The following RTKN2 variants were observed in gnomAD, a reference collection of about 807,000 sequenced individuals.
The protein encoded by RTKN2 is rhotekin-2.
A neutral mutation model predicts 71.5 loss-of-function variants in RTKN2; 69 were observed. That is an observed-to-expected ratio of 0.96 (90% CI 0.79 to 1.18). The LOEUF (loss-of-function observed/expected upper bound fraction) is 1.18. RTKN2 is among the 50% of genes most tolerant of loss of function. The pLI, the probability that RTKN2 is intolerant of heterozygous loss-of-function variation, is 0.00. For missense variants in RTKN2, 724 were observed against 719.7 expected (o/e 1.01, Z -0.07); for synonymous variants, 236 against 236.5 (o/e 1.00, Z 0.02).
At chr10:62,247,853 T>C (rs1385275652) in intron 2 of RTKN2, among the ~76,000 whole-genome samples, 2 of 152,074 alleles carry the variant, frequency 1.3e-5, no homozygotes, top group Non-Finnish European at 2.9e-5. Context: ...ATGCATAATA[T>C]AAATTCTTAA....
At chr10:62,262,528 TG>T (rs1176696080) in intron 2 of RTKN2, 96 bp downstream of exon 2, 1 of 797,796 alleles carries the variant, frequency 1.3e-6, no homozygotes, top group Non-Finnish European at 2.0e-6. Context: ...TAAAACAGTT[TG>T]GTGATTTGAC....
At chr10:62,209,176 G>A (rs1035606693) in intron 9 of RTKN2, among the ~76,000 whole-genome samples, 3 of 152,122 alleles carry the variant, frequency 2.0e-5, no homozygotes, top group Admixed American at 1.3e-4. Flanking sequence ...GCTGAGGCAG[G>A]AGAATCGCTT....
In RTKN2 at chr10:62,268,661, GA is replaced by G; in HGVS notation, c.-52del. 1 of 1,530,070 alleles carries G rather than the reference GA, an allele frequency of 6.5e-7. No homozygotes were observed. The highest frequency in any genetic ancestry group is 8.8e-7 in the Non-Finnish European group (1 of 1,132,064). The allele number at this position is 1,530,070 out of a possible 1,614,324, so 94.8% of individuals were successfully genotyped here. ...CGCCACTCCTTCAAAGGGAAGATTT[GA>G]AAAGCCCGCCCCTGGCAGGAGCCGC... is the stretch of plus-strand genomic sequence containing the variant. On this transcript the variant is annotated 5_prime_UTR_variant, in exon 1 of 12. Coordinates refer to ENST00000373789, the MANE Select transcript of RTKN2 (RefSeq NM_145307.4).
At chr10:62,237,063 CAT>C (rs1185550153) in intron 5 of RTKN2, among the ~76,000 whole-genome samples, 1 of 151,836 alleles carries the variant, frequency 6.6e-6, no homozygotes, top group Non-Finnish European at 1.5e-5. Flanking sequence ...ACTGTAAAAA[CAT>C]GAGGTGAATG....
At chr10:62,227,529 T>C (rs1465569869) in intron 6 of RTKN2, among the ~76,000 whole-genome samples, 2 of 152,040 alleles carry the variant, frequency 1.3e-5, no homozygotes, top group Non-Finnish European at 2.9e-5. Context: ...CAGAGTGATT[T>C]GAGATGTCCA....
chr10:62,254,220 A>G (rs1842633206), intron 2 of RTKN2, among the ~76,000 whole-genome samples: 1 of 152,130 alleles, frequency 6.6e-6, no homozygotes, highest in Non-Finnish European at 1.5e-5. Flanking sequence ...ACCTGGTGGG[A>G]GGTGATTGAA....
At chr10:62,254,226 T>C (rs545024467) in intron 2 of RTKN2, among the ~76,000 whole-genome samples, 3 of 152,274 alleles carry the variant, frequency 2.0e-5, no homozygotes, top group African/African-American at 4.8e-5. Flanking sequence ...TGGGAGGTGA[T>C]TGAATCATGG....
At chr10:62,246,629 GAA>G (rs1842483491) in intron 2 of RTKN2, among the ~76,000 whole-genome samples, 1 of 151,958 alleles carries the variant, frequency 6.6e-6, no homozygotes, top group Non-Finnish European at 1.5e-5. Context: ...ACTAAGATGA[GAA>G]ACAGAGTAGC....
chr10:62,255,042 C>T (rs1277592484), intron 2 of RTKN2, among the ~76,000 whole-genome samples: 1 of 151,926 alleles, frequency 6.6e-6, no homozygotes, highest in African/African-American at 2.4e-5. Context: ...ACTGTAGAAC[C>T]TTAGTGGTAG....
intron 2 of RTKN2, among the ~76,000 whole-genome samples, chr10:62,253,285 A>G (rs1327022840): frequency 6.6e-6 from 1 of 152,224 alleles, no homozygotes; most frequent in African/African-American, 2.4e-5. Flanking sequence ...AAAAGGCTGC[A>G]GCTAACAATG....
chr10:62,230,236 A>G (rs1842120272), intron 6 of RTKN2, among the ~76,000 whole-genome samples: 1 of 152,084 alleles, frequency 6.6e-6, no homozygotes, highest in East Asian at 1.9e-4. Flanking sequence ...CAATGGCTCA[A>G]TCTCAGCTCA....
At chr10:62,221,433 T>C (rs1486370152) in intron 7 of RTKN2, among the ~76,000 whole-genome samples, 2 of 152,176 alleles carry the variant, frequency 1.3e-5, no homozygotes, top group Non-Finnish European at 2.9e-5. Context: ...AATACACAGC[T>C]ATTTGATATT....
At position 62,249,391 on chromosome 10, in the gene RTKN2, G is replaced by C. The variant is rs187620364; in HGVS notation, c.258-3334C>G. 8.5e-4 allele frequency among the ~76,000 whole-genome samples: 128 copies of C among 150,202 alleles called. 3 individuals carry two copies. The East Asian group carries it at 0.023, about 27-fold the overall frequency. On this transcript the variant is annotated intron_variant, in intron 2 of 11. Coordinates refer to ENST00000373789, the MANE Select transcript of RTKN2 (RefSeq NM_145307.4). ...GCAGGGGTTGCGGGGTTGGGGGGTGGTGGGGGCAGTGGGAAGGGCACAGAT... is the reference window on the plus strand; with the variant it reads ...GCAGGGGTTGCGGGGTTGGGGGGTGCTGGGGGCAGTGGGAAGGGCACAGAT...
chr10:62,253,128 G>T (rs1288971139), intron 2 of RTKN2, among the ~76,000 whole-genome samples: 1 of 152,074 alleles, frequency 6.6e-6, no homozygotes, highest in Non-Finnish European at 1.5e-5. Flanking sequence ...CTTCAAAGGT[G>T]AGTCAGAAAG....
intron 3 of RTKN2, among the ~76,000 whole-genome samples, chr10:62,242,242 A>G (rs1002496993): frequency 3.9e-5 from 6 of 152,006 alleles, no homozygotes; most frequent in Admixed American, 2.6e-4. Flanking sequence ...CTTACTTGCT[A>G]ATTTCTTTAT....
At chr10:62,212,843 C>A (rs796177539) in intron 9 of RTKN2, among the ~76,000 whole-genome samples, 3 of 152,126 alleles carry the variant, frequency 2.0e-5, no homozygotes, top group African/African-American at 7.2e-5. Context: ...TAGATAAAAA[C>A]CTATTAATTT....
intron 2 of RTKN2, among the ~76,000 whole-genome samples, chr10:62,254,530 A>C (rs2133068357): frequency 6.6e-6 from 1 of 152,340 alleles, no homozygotes; most frequent in Non-Finnish European, 1.5e-5. Flanking sequence ...AATTATTTCA[A>C]GTAATTTTTG....
downstream of RTKN2, among the ~76,000 whole-genome samples, chr10:62,192,747 A>T (rs1382871121): frequency 6.6e-6 from 1 of 152,188 alleles, no homozygotes. Context: ...CCCCTAGCCA[A>T]CAGCTAGTCC....
intron 7 of RTKN2, among the ~76,000 whole-genome samples, chr10:62,221,805 A>T (rs1325623107): frequency 6.6e-6 from 1 of 152,166 alleles, no homozygotes; most frequent in Non-Finnish European, 1.5e-5. Flanking sequence ...AATGAGAATT[A>T]AAAAACAGAG....
Sources: gnomAD v4.1 joint callset for allele counts (sites outside exome capture counted in the v4.1 genomes callset) on GRCh38, gnomAD v4.1.1 for gene constraint, MANE v1.5 for transcripts, NCBI Gene and HGNC (gene_info 2026-07-23, HGNC 2026-07-21) for gene names.